UNC5B: variants seen among roughly 807,000 people sequenced by gnomAD.
UNC5B encodes unc-5 netrin receptor B, also known as netrin receptor UNC5B.
In UNC5B, 56 loss-of-function variants were observed where a neutral mutation model predicts 103.7. That is an observed-to-expected ratio of 0.54 (90% CI 0.44 to 0.67). The LOEUF is 0.67. UNC5B is among the 30% of genes least tolerant of loss of function. The pLI is 0.00. For synonymous variants in UNC5B, 577 were observed against 542.0 expected (o/e 1.06, Z -0.90); for missense variants, 1,194 against 1,284.5 (o/e 0.93, Z 1.08).
chr10:71,296,781 A>C, intron 15 of UNC5B, 39 bp downstream of exon 15: 1 of 1,584,040 alleles, frequency 6.3e-7, no homozygotes, highest in Non-Finnish European at 8.6e-7. Context: ...GCTGCACACC[A>C]CACTGGCGGA....
intron 6 of UNC5B, 136 bp downstream of exon 6, chr10:71,287,901 C>T (rs1407124688): frequency 5.4e-5 from 63 of 1,175,068 alleles, no homozygotes; most frequent in Non-Finnish European, 7.1e-5. Context: ...CAGCCGGCTG[C>T]CCAGGCTGAC....
At chr10:71,243,923 A>C (rs1843964627) in intron 1 of UNC5B, among the ~76,000 whole-genome samples, 1 of 152,222 alleles carries the variant, frequency 6.6e-6, no homozygotes, top group African/African-American at 2.4e-5. Flanking sequence ...TCCATAGTTT[A>C]TAATTGAGTA....
At chr10:71,221,184 G>A (rs897617457) in intron 1 of UNC5B, among the ~76,000 whole-genome samples, 1 of 152,156 alleles carries the variant, frequency 6.6e-6, no homozygotes, top group African/African-American at 2.4e-5. Flanking sequence ...CACCCTCTGG[G>A]AACTCGGTCC....
At chr10:71,284,988 A>G (rs1481037507) in intron 3 of UNC5B, 125 bp downstream of exon 3, 2 of 1,377,614 alleles carry the variant, frequency 1.5e-6, no homozygotes, top group Non-Finnish European at 1.9e-6. Context: ...CCCACGGCAG[A>G]GACATCCCAG....
Position 71,227,743 on chromosome 10 carries a change from CACAT to C in UNC5B, c.79+14686_79+14689del, listed in dbSNP as rs1282260656. On this transcript the variant is annotated intron_variant, in intron 1 of 16. Coordinates refer to ENST00000335350, the MANE Select transcript of UNC5B (RefSeq NM_170744.5). The stretch of plus-strand genomic sequence containing the variant: ...ACACACACACACACACACACACACA[CACAT>C]ACATACCCTAGTCCTAAAGCTGGTA... Among the ~76,000 whole-genome samples, 1,180 of 123,242 alleles carry C rather than the reference CACAT, an allele frequency of 9.6e-3. 11 individuals are homozygous for C. The highest frequency in any genetic ancestry group is 0.011 in the Non-Finnish European group (616 of 54,140). The allele number at this position is 123,242 out of a possible 152,430, so 80.9% of individuals were successfully genotyped here.
chr10:71,281,461 C>G (rs542800994), intron 2 of UNC5B, among the ~76,000 whole-genome samples: 5 of 152,146 alleles, frequency 3.3e-5, no homozygotes, highest in Admixed American at 3.3e-4. Context: ...CTACCTCAGC[C>G]TCCCAAGTAG....
intron 6 of UNC5B, 39 bp from the exon 7 acceptor site, chr10:71,288,527 GTC>G (rs1564510791): frequency 6.3e-7 from 1 of 1,594,408 alleles, no homozygotes; most frequent in East Asian, 2.2e-5. Context: ...GTGTGCACAT[GTC>G]TCTGCGTGCA....
At chr10:71,280,895 G>A (rs1844908497) in intron 2 of UNC5B, among the ~76,000 whole-genome samples, 1 of 152,302 alleles carries the variant, frequency 6.6e-6, no homozygotes, top group South Asian at 2.1e-4. Flanking sequence ...GACTCAGGGG[G>A]CTCCCGAGTA....
rs80228623 is a variant in UNC5B, at chr10:71,249,422, G to A, written c.80-30399G>A. ...GCAAGGATTGAGGGCTCCCCAGGGG[G>A]TGGGGACAAAAGTGACAGAGAGTGA... On this transcript the variant is annotated intron_variant, in intron 1 of 16. Transcript: ENST00000335350. 0.012 allele frequency among the ~76,000 whole-genome samples: 1,826 copies of A among 152,340 alleles called. 106 individuals carry two copies. The East Asian group carries it at 0.17, about 14-fold the overall frequency.
chr10:71,281,889 T>C (rs1844939439), intron 2 of UNC5B, among the ~76,000 whole-genome samples: 1 of 152,200 alleles, frequency 6.6e-6, no homozygotes, highest in Admixed American at 6.5e-5. Context: ...TTCCGGGCTT[T>C]CCTTGGCCTC....
chr10:71,293,771 C>T lies in UNC5B; in HGVS notation c.2013C>T (p.His671=). ...GCCAGCTGGAGCCCAGGGCCTGTCA[C>T]ATCCTGCTGGACCAGCTGGGCACCT... The part of the protein sequence containing the change: ...CYCQLEPRAC[H]ILLDQLGTYV... The change falls in exon 13 of 17, where the codon CAC becomes CAT. Residue 671 remains histidine, a synonymous_variant. Coordinates refer to ENST00000335350, the MANE Select transcript of UNC5B (RefSeq NM_170744.5). 1 of 1,600,620 alleles carries T rather than the reference C, an allele frequency of 6.2e-7. No individual in the cohort carries two copies. Among genetic ancestry groups the T allele is most frequent in the Non-Finnish European group, 8.5e-7 (1 of 1,173,788 alleles).
intron 1 of UNC5B, among the ~76,000 whole-genome samples, chr10:71,279,485 G>A (rs931241029): frequency 2.1e-4 from 32 of 152,212 alleles, no homozygotes; most frequent in Non-Finnish European, 4.1e-4. Flanking sequence ...CGTTGTGGGG[G>A]GGCCCAAGGG....
intron 1 of UNC5B, among the ~76,000 whole-genome samples, chr10:71,262,556 A>G (rs1325736918): frequency 6.6e-6 from 1 of 152,188 alleles, no homozygotes; most frequent in East Asian, 1.9e-4. Flanking sequence ...CGAAGGATTT[A>G]TTAAGCATCT....
intron 1 of UNC5B, among the ~76,000 whole-genome samples, chr10:71,255,057 A>G (rs1844259867): frequency 6.6e-6 from 1 of 152,158 alleles, no homozygotes; most frequent in Non-Finnish European, 1.5e-5. Context: ...GTTTCATTTC[A>G]TGCTCAGGCC....
At chr10:71,241,453 G>T (rs1254804042) in intron 1 of UNC5B, among the ~76,000 whole-genome samples, 2 of 152,180 alleles carry the variant, frequency 1.3e-5, no homozygotes, top group Admixed American at 1.3e-4. Flanking sequence ...GAACTAGCTC[G>T]TGTCCTGGGT....
intron 8 of UNC5B, among the ~76,000 whole-genome samples, 157 bp from the exon 9 acceptor site, chr10:71,290,758 G>A (rs1232126523): frequency 1.3e-5 from 2 of 152,242 alleles, no homozygotes; most frequent in Non-Finnish European, 2.9e-5. Flanking sequence ...TTCAAGGCTA[G>A]CCCGAGGTTG....
At chr10:71,247,756 G>A (rs1055862178) in intron 1 of UNC5B, among the ~76,000 whole-genome samples, 1 of 152,312 alleles carries the variant, frequency 6.6e-6, no homozygotes, top group African/African-American at 2.4e-5. Context: ...AGAGAAACCA[G>A]GCAGTGAGTT....
In UNC5B at chr10:71,296,298, G is replaced by A. The variant is rs1011981546; in HGVS notation, c.2326-280G>A. 2.6e-5 allele frequency among the ~76,000 whole-genome samples: 4 copies of A among 152,162 alleles called. No homozygotes were observed. The South Asian group carries it at 6.2e-4, about 24-fold the overall frequency. The stretch of plus-strand genomic sequence containing the variant: ...ATCTCATCTCTGACAGCCACAGCCC[G>A]CTGCCCACCCAGCAGCGCCTGAGAC... On this transcript the variant is annotated intron_variant, in intron 14 of 16. Transcript: ENST00000335350.
At chr10:71,263,625 C>A (rs549089621) in intron 1 of UNC5B, among the ~76,000 whole-genome samples, 17 of 152,272 alleles carry the variant, frequency 1.1e-4, no homozygotes, top group Middle Eastern at 3.4e-3. Flanking sequence ...GCGGCAGTGA[C>A]AGCGGCTGGG....
Sources: gnomAD v4.1 joint callset for allele counts (sites outside exome capture counted in the v4.1 genomes callset) on GRCh38, gnomAD v4.1.1 for gene constraint, MANE v1.5 for transcripts, NCBI Gene and HGNC (gene_info 2026-07-23, HGNC 2026-07-21) for gene names.